SGK3: variants seen among roughly 807,000 people sequenced by gnomAD.
SGK3 encodes the protein serine/threonine-protein kinase Sgk3.
SGK3 carries 47 observed loss-of-function variants against 68.5 expected under a neutral mutation model. The observed-to-expected ratio is 0.69, with a 90% CI of 0.54 to 0.87. SGK3 has a LOEUF of 0.87. Among genes scored for constraint, SGK3 ranks in the 40% least tolerant of loss-of-function variants. The pLI, the probability that SGK3 is intolerant of heterozygous loss-of-function variation, is 0.00. For synonymous variants in SGK3, 181 were observed against 189.1 expected, an observed-to-expected ratio of 0.96 and a Z score of 0.35; for missense variants, 479 against 575.5, an observed-to-expected ratio of 0.83 and a Z score of 1.72.
At chr8:66,771,088 G>A (rs1025486581) in intron 1 of SGK3, among the ~76,000 whole-genome samples, 3 of 151,982 alleles carry the variant, frequency 2.0e-5, no homozygotes, top group African/African-American at 7.3e-5. Flanking sequence ...GGTCAATTTG[G>A]TCCTTGTTAC....
intron 1 of SGK3, among the ~76,000 whole-genome samples, chr8:66,789,405 A>G (rs1245173995): frequency 7.2e-5 from 11 of 152,224 alleles, no homozygotes; most frequent in Non-Finnish European, 1.5e-4. Context: ...AGTCTTCTTC[A>G]TGGCCTTTTC....
At chr8:66,748,676 T>TA (rs1805718865) in intron 1 of SGK3, among the ~76,000 whole-genome samples, 1 of 152,092 alleles carries the variant, frequency 6.6e-6, no homozygotes, top group South Asian at 2.1e-4. Flanking sequence ...ACCACTGATT[T>TA]AGAGATCAAT....
chr8:66,820,286 A>G (rs1808757925), intron 5 of SGK3, among the ~76,000 whole-genome samples: 1 of 152,214 alleles, frequency 6.6e-6, no homozygotes, highest in African/African-American at 2.4e-5. Context: ...AGATTTGCCT[A>G]TTAAAATGAA....
Position 66,793,612 on chromosome 8 carries a change from T to C in SGK3, c.-121-4T>C. On this transcript the variant is annotated splice_polypyrimidine_tract_variant and splice_region_variant and intron_variant, in intron 1 of 16. Coordinates refer to ENST00000521198, the MANE Select transcript of SGK3 (RefSeq NM_001033578.3). ...ATCACTTTTTTTTTTTTCTGTTGGTTAAGGTTGCATGATGGAATTTGAACA... is the reference window on the plus strand; with the variant it reads ...ATCACTTTTTTTTTTTTCTGTTGGTCAAGGTTGCATGATGGAATTTGAACA... 1.2e-6 allele frequency: 1 copy of C among 818,012 alleles called. No homozygotes were observed. Among genetic ancestry groups the C allele is most frequent in the Non-Finnish European group, 1.8e-6 (1 of 550,338 alleles). The allele number at this position is 818,012 out of a possible 1,614,324, so 50.7% of individuals were successfully genotyped here.
chr8:66,822,415 C>G lies in SGK3; in HGVS notation c.373C>G (p.Gln125Glu). 6.2e-7 allele frequency: 1 copy of G among 1,610,846 alleles called. No individual in the cohort carries two copies. The change falls in exon 6 of 17, where the codon CAG becomes GAG. Residue 125 changes from glutamine (Q) to glutamate (E), a missense_variant. By Grantham distance (29) the Gln-to-Glu change is conservative. Coordinates refer to ENST00000521198, the MANE Select transcript of SGK3 (RefSeq NM_001033578.3). ...CCTTCAAATGGACAGTCCAAAACAC[C>G]AGTCAGATCCATCTGAAGATGAGGA... is the stretch of plus-strand genomic sequence containing the variant. ...AFLQMDSPKH[Q>E]SDPSEDEDER...
chr8:66,724,464 T>C (rs1454595141), intron 1 of SGK3, among the ~76,000 whole-genome samples: 1 of 152,038 alleles, frequency 6.6e-6, no homozygotes, highest in East Asian at 1.9e-4. Context: ...TAGTCCCAGC[T>C]ACTTGGGAGG....
intron 1 of SGK3, among the ~76,000 whole-genome samples, chr8:66,742,718 C>A (rs1207855132): frequency 1.3e-5 from 2 of 152,102 alleles, no homozygotes; most frequent in African/African-American, 4.8e-5. Flanking sequence ...ATAAGTCAGT[C>A]TTTATGAGAT....
chr8:66,723,120 TATATA>T (rs1563595285), intron 1 of SGK3, among the ~76,000 whole-genome samples: 27 of 55,574 alleles, frequency 4.9e-4, no homozygotes, highest in African/African-American at 1.3e-3. Context: ...TATATATATA[TATATA>T]TATATATTTT....
chr8:66,821,275 G>T (rs1024356241), intron 5 of SGK3, among the ~76,000 whole-genome samples: 1 of 151,872 alleles, frequency 6.6e-6, no homozygotes, highest in Admixed American at 6.6e-5. Context: ...TTATATGTCT[G>T]TGTATCTTTG....
At chr8:66,750,979 C>T (rs1805796803) in intron 1 of SGK3, among the ~76,000 whole-genome samples, 1 of 151,316 alleles carries the variant, frequency 6.6e-6, no homozygotes, top group Non-Finnish European at 1.5e-5. Context: ...TGCACTCCAG[C>T]CTGGGTGATA....
intron 1 of SGK3, among the ~76,000 whole-genome samples, chr8:66,720,021 C>A (rs1039592035): frequency 1.3e-5 from 2 of 152,324 alleles, no homozygotes; most frequent in Admixed American, 6.5e-5. Context: ...ATTCCATGCA[C>A]CTTTGAACCA....
chr8:66,826,586 G>C (rs1344584354), intron 6 of SGK3, among the ~76,000 whole-genome samples: 1 of 152,092 alleles, frequency 6.6e-6, no homozygotes, highest in Non-Finnish European at 1.5e-5. Context: ...AAATAAATTT[G>C]AATTGTAACT....
In SGK3 at chr8:66,840,259, C is replaced by T; in HGVS notation, c.891+12C>T. 15 of 1,559,948 alleles carry T rather than the reference C, an allele frequency of 9.6e-6. No homozygotes were observed. Among genetic ancestry groups the T allele is most frequent in the Non-Finnish European group, 1.2e-5 (14 of 1,156,906 alleles). On this transcript the variant is annotated intron_variant, in intron 12 of 16. Transcript: ENST00000521198. ...TTTTGGATTCAGTAGTAAGTATTCT[C>T]TTTTAAAAATCTACTAGTTCTCAAT...
Position 66,821,586 on chromosome 8 carries a change from C to T in SGK3, c.330-786C>T, listed in dbSNP as rs757240739. Among the ~76,000 whole-genome samples the T allele has an allele frequency of 9.2e-4, 139 of 151,732 alleles. 1 individual carries two copies. Among genetic ancestry groups the T allele is most frequent in the Middle Eastern group, 3.4e-3 (1 of 292 alleles). ...GGAGTGCAGTGGCACAATCTCGGCT[C>T]ACTGCAAGCTCCGCCTCCCGGGCTC... On this transcript the variant is annotated intron_variant, in intron 5 of 16. Transcript: ENST00000521198.
At chr8:66,764,238 T>A (rs1806252656) in intron 1 of SGK3, among the ~76,000 whole-genome samples, 1 of 150,274 alleles carries the variant, frequency 6.7e-6, no homozygotes, top group Non-Finnish European at 1.5e-5. Flanking sequence ...TTTTTTATAA[T>A]TTTTTTTTTA....
intron 10 of SGK3, among the ~76,000 whole-genome samples, chr8:66,838,310 C>CTCAT (rs1809623624): frequency 1.3e-5 from 2 of 152,122 alleles, no homozygotes; most frequent in Non-Finnish European, 2.9e-5. Context: ...ATGATCCACC[C>CTCAT]GCCTCAGCCT....
chr8:66,778,806 A>G (rs558832941), intron 1 of SGK3, among the ~76,000 whole-genome samples: 1 of 152,196 alleles, frequency 6.6e-6, no homozygotes, highest in Non-Finnish European at 1.5e-5. Flanking sequence ...AGCATGTCCA[A>G]TACGCATGTA....
intron 1 of SGK3, among the ~76,000 whole-genome samples, chr8:66,728,735 TCAA>T (rs1353628895): frequency 6.6e-6 from 1 of 151,916 alleles, no homozygotes; most frequent in Non-Finnish European, 1.5e-5. Flanking sequence ...AGACCCCACC[TCAA>T]CAACAACAAG....
rs532870646 is a variant in SGK3 at position 66,801,470 on chromosome 8, A to C, written c.180+2845A>C. Among the ~76,000 whole-genome samples, 541 of 152,242 alleles carry C rather than the reference A, an allele frequency of 3.6e-3. 5 individuals are homozygous for C. Among genetic ancestry groups the C allele is most frequent in the African/African-American group, 0.012 (512 of 41,532 alleles). ...AAAAAATGGCTTATTTTGGAGGCTG[A>C]GTTTGGGTTGCAATGTTAGCTCATT... On this transcript the variant is annotated intron_variant, in intron 3 of 16. Coordinates refer to ENST00000521198, the MANE Select transcript of SGK3 (RefSeq NM_001033578.3).
Sources: allele counts gnomAD v4.1 joint callset (sites outside exome capture counted in the v4.1 genomes callset), GRCh38; gene constraint gnomAD v4.1.1; transcripts MANE v1.5; gene names NCBI Gene and HGNC (gene_info 2026-07-23, HGNC 2026-07-21).